The following SPON1 variants were observed in gnomAD, a reference collection of about 807,000 sequenced individuals.
The protein encoded by SPON1 is spondin 1, also known as spondin-1.
Under a neutral mutation model 111.7 loss-of-function variants are expected in SPON1, and 52 were observed. That is an observed-to-expected ratio of 0.47 (90% CI 0.37 to 0.59). The LOEUF (loss-of-function observed/expected upper bound fraction) is 0.59. SPON1 is among the 20% of genes least tolerant of loss of function. The pLI, the probability that SPON1 is intolerant of heterozygous loss-of-function variation, is 0.00. For synonymous variants in SPON1, 410 were observed against 395.8 expected (o/e 1.04, Z -0.43); for missense variants, 957 against 1,068.5 (o/e 0.90, Z 1.46).
chr11:13,982,961 C>T lies in SPON1; in HGVS notation c.345+8C>T. The T allele has an allele frequency of 6.5e-7, 1 of 1,529,572 alleles. No individual in the cohort carries two copies. The highest frequency in any genetic ancestry group is 8.9e-7 in the Non-Finnish European group (1 of 1,126,438). 94.8% of individuals were successfully genotyped at this position (1,529,572 alleles called of 1,614,324 possible). A position where few individuals can be genotyped will look rare whatever the true frequency, so the allele number is the denominator to read the frequency against. ...CATGCTGGGACCTTCCAGGTAAGAC[C>T]CTGCCTGGGCTTATTCAGTGGCCCT... On this transcript the variant is annotated splice_region_variant and intron_variant, in intron 2 of 15. Coordinates refer to ENST00000576479, the MANE Select transcript of SPON1 (RefSeq NM_006108.4).
At chr11:14,239,843 A>G (rs535596443) in intron 6 of SPON1, among the ~76,000 whole-genome samples, 2 of 152,358 alleles carry the variant, frequency 1.3e-5, no homozygotes, top group South Asian at 4.1e-4. Flanking sequence ...ATTCATAAAC[A>G]TTAAAAAGAT....
chr11:14,203,847 A>G (rs1848488277), intron 6 of SPON1, among the ~76,000 whole-genome samples: 1 of 152,228 alleles, frequency 6.6e-6, no homozygotes, highest in Non-Finnish European at 1.5e-5. Flanking sequence ...ATCAATTGAT[A>G]CATTAATGCT....
chr11:14,037,629 C>T (rs185460754), intron 2 of SPON1, among the ~76,000 whole-genome samples: 2 of 151,914 alleles, frequency 1.3e-5, no homozygotes, highest in Non-Finnish European at 2.9e-5. Flanking sequence ...TATAAAACTC[C>T]TAGAAGACAA....
At position 14,181,728 on chromosome 11, in the gene SPON1, C is replaced by G. The variant is rs200623377; in HGVS notation, c.825+46160C>G. On this transcript the variant is annotated intron_variant, in intron 6 of 15. Transcript: ENST00000576479. ...TCAACAGGGAGAAGAATGACAAGACCTAGTTGGCACAGAGTATGTTCAGTA... is the reference window on the plus strand; with the variant it reads ...TCAACAGGGAGAAGAATGACAAGACGTAGTTGGCACAGAGTATGTTCAGTA... Among the ~76,000 whole-genome samples the G allele has an allele frequency of 1.4e-4, 22 of 152,290 alleles. No homozygotes were observed. In the East Asian group the frequency reaches 4.2e-3, roughly 29 times the overall value.
At chr11:14,235,504 C>A (rs1848853252) in intron 6 of SPON1, among the ~76,000 whole-genome samples, 1 of 151,836 alleles carries the variant, frequency 6.6e-6, no homozygotes, top group South Asian at 2.1e-4. Context: ...CAAAGCAAGA[C>A]CCCATCTCTA....
At chr11:14,024,626 G>A (rs1818561911) in intron 2 of SPON1, among the ~76,000 whole-genome samples, 1 of 152,064 alleles carries the variant, frequency 6.6e-6, no homozygotes. Flanking sequence ...GCCTGCTAAG[G>A]TCTCGGGTTT....
chr11:14,236,087 C>A (rs1848863554), intron 6 of SPON1, among the ~76,000 whole-genome samples: 1 of 152,108 alleles, frequency 6.6e-6, no homozygotes, highest in Non-Finnish European at 1.5e-5. Flanking sequence ...AGATGCAAAG[C>A]CACTGGAGGA....
rs1848290042 is a variant in SPON1 at position 13,998,394 on chromosome 11, C to G, written c.345+15441C>G. On this transcript the variant is annotated intron_variant, in intron 2 of 15. Coordinates refer to ENST00000576479, the MANE Select transcript of SPON1 (RefSeq NM_006108.4). ...TTCTGGGTTATTCCAGGGGTCATACCAGGTTTACAGCTTCACAGATCCACC... is the reference window on the plus strand; with the variant it reads ...TTCTGGGTTATTCCAGGGGTCATACGAGGTTTACAGCTTCACAGATCCACC... 2.6e-5 allele frequency among the ~76,000 whole-genome samples: 4 copies of G among 152,158 alleles called. No individual in the cohort carries two copies. The South Asian group carries it at 8.3e-4, about 32-fold the overall frequency.
chr11:14,177,934 A>G (rs547782556), intron 6 of SPON1, among the ~76,000 whole-genome samples: 14 of 152,268 alleles, frequency 9.2e-5, no homozygotes, highest in Middle Eastern at 6.8e-3. Flanking sequence ...TTCCAAAAGT[A>G]TTTCAGAGAT....
chr11:14,082,294 C>G (rs1186021232), intron 5 of SPON1, among the ~76,000 whole-genome samples: 1 of 152,088 alleles, frequency 6.6e-6, no homozygotes, highest in Non-Finnish European at 1.5e-5. Flanking sequence ...GACGTGTGTT[C>G]CAGATCTTCT....
At chr11:14,239,725 AAAAAC>A (rs1276351417) in intron 6 of SPON1, among the ~76,000 whole-genome samples, 2 of 152,244 alleles carry the variant, frequency 1.3e-5, no homozygotes, top group Non-Finnish European at 2.9e-5. Flanking sequence ...ACCCTGTCTC[AAAAAC>A]AAAACAAAAA....
intron 5 of SPON1, among the ~76,000 whole-genome samples, chr11:14,104,700 C>G (rs1849171734): frequency 6.6e-6 from 1 of 152,060 alleles, no homozygotes; most frequent in African/African-American, 2.4e-5. Flanking sequence ...TAGGTACATA[C>G]TAATTCAAGA....
At chr11:14,255,457 G>T (rs186270490) in intron 8 of SPON1, among the ~76,000 whole-genome samples, 190 bp from the exon 9 acceptor site, 116 of 152,320 alleles carry the variant, frequency 7.6e-4, no homozygotes, top group Non-Finnish European at 1.5e-3. Flanking sequence ...GGACATGGAA[G>T]AATTTTAAAA....
chr11:14,174,675 GA>G (rs1320773343), intron 6 of SPON1, among the ~76,000 whole-genome samples: 12 of 150,008 alleles, frequency 8.0e-5, no homozygotes, highest in South Asian at 2.1e-4. Context: ...AGAAAAAAAA[GA>G]AAAAAAAGGA....
At chr11:14,150,723 A>G (rs1847777157) in intron 6 of SPON1, among the ~76,000 whole-genome samples, 1 of 152,208 alleles carries the variant, frequency 6.6e-6, no homozygotes. Context: ...ACCTGCTGAA[A>G]TGGTAATCAT....
rs11542079 is a variant in SPON1, at chr11:14,259,661, C to T, written c.1791C>T (p.Ala597=). ...MNPADGSMCK[A]ETSQAEKCMM... is the part of the protein sequence containing the mutation. Reference sequence around the variant, plus strand: ...CCGCAGATGGCTCCATGTGCAAAGCCGAGACATCACAGGCAGAGAAGTGCA... The same window carrying T: ...CCGCAGATGGCTCCATGTGCAAAGCTGAGACATCACAGGCAGAGAAGTGCA... The change falls in exon 13 of 16, where the codon GCC becomes GCT. Residue 597 remains alanine, a synonymous_variant. Coordinates refer to ENST00000576479, the MANE Select transcript of SPON1 (RefSeq NM_006108.4). This position sits in a 1 kb window ranked among gnomAD's most constrained non-coding sequence, Gnocchi z 5.0. 5.7e-6 allele frequency: 9 copies of T among 1,571,116 alleles called. No individual in the cohort carries two copies. In the Admixed American group the frequency reaches 9.4e-5, roughly 16 times the overall value.
chr11:14,259,814 C>T lies in SPON1; in HGVS notation c.1831+113C>T, dbSNP rs1209747715. 2.4e-5 allele frequency: 29 copies of T among 1,216,290 alleles called. No individual in the cohort carries two copies. The highest frequency in any genetic ancestry group is 3.3e-5 in the Non-Finnish European group (29 of 875,058). The allele number at this position is 1,216,290 out of a possible 1,614,324, so 75.3% of individuals were successfully genotyped here. On this transcript the variant is annotated intron_variant, in intron 13 of 15. Transcript: ENST00000576479. The surrounding 1 kb of genome is among the most constrained non-coding windows in gnomAD (Gnocchi z 5.0). ...GGAGGCTGAGCAGAGGAAAGCATGGCCCATGGTCCTTGCTGGGCACTGCTG... is the reference window on the plus strand; with the variant it reads ...GGAGGCTGAGCAGAGGAAAGCATGGTCCATGGTCCTTGCTGGGCACTGCTG...
rs1370157831 is a variant in SPON1, at chr11:14,256,536, A to T, written c.1234-81A>T. On this transcript the variant is annotated intron_variant, in intron 9 of 15. Coordinates refer to ENST00000576479, the MANE Select transcript of SPON1 (RefSeq NM_006108.4). Reference sequence around the variant, plus strand: ...GATTTGTATACAGAATGGCGATTAGATTTTAGTCCTCTTTCACCTTCCCCC... The same window carrying T: ...GATTTGTATACAGAATGGCGATTAGTTTTTAGTCCTCTTTCACCTTCCCCC... The T allele has an allele frequency of 4.2e-6, 4 of 948,940 alleles. No individual in the cohort carries two copies. The African/African-American group carries it at 6.6e-5, about 16-fold the overall frequency. The allele number at this position is 948,940 out of a possible 1,614,324, so 58.8% of individuals were successfully genotyped here. A position where few individuals can be genotyped will look rare whatever the true frequency, so the allele number is the denominator to read the frequency against.
chr11:14,137,261 C>T (rs981375600), intron 6 of SPON1, among the ~76,000 whole-genome samples: 1 of 152,174 alleles, frequency 6.6e-6, no homozygotes, highest in Non-Finnish European at 1.5e-5. Context: ...CCCCCACCAC[C>T]ACCACTGCCA....
Sources: allele counts gnomAD v4.1 joint callset (sites outside exome capture counted in the v4.1 genomes callset), GRCh38; gene constraint gnomAD v4.1.1; non-coding constraint Gnocchi (gnomAD v3.1); transcripts MANE v1.5; gene names NCBI Gene and HGNC (gene_info 2026-07-23, HGNC 2026-07-21).